The following ASCC3 variants were observed in gnomAD, a reference collection of about 807,000 sequenced individuals.
The protein encoded by ASCC3 is activating signal cointegrator 1 complex subunit 3, also known as ASC-1 complex subunit P200.
In ASCC3, 158 loss-of-function variants were observed where a neutral mutation model predicts 256.3. The observed-to-expected ratio is 0.62, with a 90% confidence interval of 0.54 to 0.70. The LOEUF is 0.70. Among genes scored for constraint, ASCC3 ranks in the 30% least tolerant of loss-of-function variants. ASCC3 has a pLI of 0.00. For synonymous variants in ASCC3, 948 were observed against 883.4 expected, an observed-to-expected ratio of 1.07 and a Z score of -1.30; for missense variants, 2,259 against 2,626.0, an observed-to-expected ratio of 0.86 and a Z score of 3.05.
chr6:100,798,771 C>G lies in ASCC3; in HGVS notation c.1337G>C (p.Ser446Thr). Residue 446 changes from serine (S) to threonine (T), a missense_variant, in exon 8 of 42, where the codon AGC becomes ACC. Coordinates refer to ENST00000369162, the MANE Select transcript of ASCC3 (RefSeq NM_006828.4). ...CTCAAAGCTGAGTGGCATTGGTTCG[C>G]TGTAGGGAATCCTTACTTCTTCATA... ...KLYEEVRIPY[S>T]EPMPLSFEEK... 6.2e-7 allele frequency: 1 copy of G among 1,613,126 alleles called. No individual in the cohort carries two copies.
intron 10 of ASCC3, among the ~76,000 whole-genome samples, chr6:100,730,752 G>T (rs1394263858): frequency 1.3e-5 from 2 of 152,144 alleles, no homozygotes; most frequent in Admixed American, 1.3e-4. Context: ...AATGGAATCT[G>T]ACAGCTTGCA....
chr6:100,742,179 T>C (rs1370993612), intron 10 of ASCC3, among the ~76,000 whole-genome samples: 3 of 152,178 alleles, frequency 2.0e-5, no homozygotes, highest in East Asian at 1.9e-4. Context: ...GTTTTACTCA[T>C]ACCTGGAGGT....
At position 100,762,499 on chromosome 6, in the gene ASCC3, T is replaced by C. The variant is rs948650196; in HGVS notation, c.1737+4066A>G. ...AGATATAGAGTAATGGAAAATAAGG[T>C]TGGAAAAGTAGATAAGTGTTTTAAC... On this transcript the variant is annotated intron_variant, in intron 10 of 41. Coordinates refer to ENST00000369162, the MANE Select transcript of ASCC3 (RefSeq NM_006828.4). 5.9e-5 allele frequency among the ~76,000 whole-genome samples: 9 copies of C among 152,232 alleles called. No homozygotes were observed. In the East Asian group the frequency reaches 1.7e-3, roughly 29 times the overall value.
At chr6:100,698,251 G>A (rs183108166) in intron 13 of ASCC3, among the ~76,000 whole-genome samples, 42 of 151,914 alleles carry the variant, frequency 2.8e-4, no homozygotes, top group African/African-American at 9.6e-4. Flanking sequence ...AAAGACTTAG[G>A]AAAAAATTGT....
intron 10 of ASCC3, among the ~76,000 whole-genome samples, chr6:100,753,082 T>C (rs963536307): frequency 2.0e-5 from 3 of 152,076 alleles, no homozygotes; most frequent in African/African-American, 4.8e-5. Context: ...CTGATTCTTA[T>C]AAGCACCACA....
chr6:100,587,188 C>T (rs1771744708), intron 36 of ASCC3, among the ~76,000 whole-genome samples: 1 of 152,022 alleles, frequency 6.6e-6, no homozygotes, highest in Non-Finnish European at 1.5e-5. Context: ...CAGCTTCTGT[C>T]TGACTACACT....
chr6:100,608,124 ATACATATATATGTATATATATC>A (rs1773055285), intron 30 of ASCC3, among the ~76,000 whole-genome samples: 1 of 124,192 alleles, frequency 8.1e-6, no homozygotes, highest in Non-Finnish European at 1.6e-5. Flanking sequence ...ATATCTATAT[ATACATATATATGTATATATATC>A]TATATATACA....
Position 100,607,078 on chromosome 6 carries a change from A to T in ASCC3, c.4796T>A (p.Ile1599Asn). 1 of 1,613,636 alleles carries T rather than the reference A, an allele frequency of 6.2e-7. No homozygotes were observed. Among genetic ancestry groups the T allele is most frequent in the Non-Finnish European group, 8.5e-7 (1 of 1,179,744 alleles). The change falls in exon 31 of 42, where the codon ATC becomes AAC. Residue 1599 changes from isoleucine to asparagine, a missense_variant. By Grantham distance (149) the Ile-to-Asn change is moderately radical (BLOSUM62 -3). Coordinates refer to ENST00000369162, the MANE Select transcript of ASCC3 (RefSeq NM_006828.4). ...LNMDEREMEN[I>N]IATVRDSNLK... The stretch of plus-strand genomic sequence containing the variant: ...GTTGGAATCTCTTACTGTTGCAATG[A>T]TGTTCTCCATCTGCAAGTAAAAACA...
chr6:100,744,767 G>A (rs990629850), intron 10 of ASCC3, among the ~76,000 whole-genome samples: 8 of 152,268 alleles, frequency 5.3e-5, no homozygotes, highest in African/African-American at 1.7e-4. Flanking sequence ...GCCCAAGGAA[G>A]AGTTAAATAA....
intron 5 of ASCC3, among the ~76,000 whole-genome samples, chr6:100,805,003 A>C (rs1388357058): frequency 6.6e-6 from 1 of 152,136 alleles, no homozygotes; most frequent in Non-Finnish European, 1.5e-5. Flanking sequence ...AATCAACCTA[A>C]GTGCCCATCA....
intron 1 of ASCC3, among the ~76,000 whole-genome samples, chr6:100,870,315 G>A (rs1352316511): frequency 6.6e-6 from 1 of 150,728 alleles, no homozygotes; most frequent in Non-Finnish European, 1.5e-5. Flanking sequence ...AGTGAGCCAA[G>A]ATGGCCCCAC....
In ASCC3 at chr6:100,721,317, C is replaced by T. The variant is rs1296990599; in HGVS notation, c.1903-3066G>A. 2.0e-5 allele frequency among the ~76,000 whole-genome samples: 3 copies of T among 151,892 alleles called. No individual in the cohort carries two copies. The East Asian group carries it at 5.8e-4, about 29-fold the overall frequency. ...GGACATGGTCTCTGTAGGTGGCTCACTGCAAATAAATGTGGTGTATGGATT... is the reference window on the plus strand; with the variant it reads ...GGACATGGTCTCTGTAGGTGGCTCATTGCAAATAAATGTGGTGTATGGATT... On this transcript the variant is annotated intron_variant, in intron 11 of 41. Coordinates refer to ENST00000369162, the MANE Select transcript of ASCC3 (RefSeq NM_006828.4).
chr6:100,733,866 C>G (rs6910914), intron 10 of ASCC3, among the ~76,000 whole-genome samples: 2,202 of 152,214 alleles, frequency 0.014, 44 homozygotes, highest in African/African-American at 0.051. Context: ...CTAGCTTGTT[C>G]TTCTCCCCTA....
At chr6:100,582,901 G>A (rs1399511356) in intron 36 of ASCC3, among the ~76,000 whole-genome samples, 13 of 152,072 alleles carry the variant, frequency 8.5e-5, no homozygotes, top group South Asian at 2.1e-4. Flanking sequence ...ATTGATTTGC[G>A]TATATTGAAC....
chr6:100,707,952 T>TC (rs1778682669), intron 13 of ASCC3, among the ~76,000 whole-genome samples: 1 of 152,066 alleles, frequency 6.6e-6, no homozygotes, highest in Non-Finnish European at 1.5e-5. Flanking sequence ...ACCACCACTT[T>TC]CCCCCAAACC....
intron 4 of ASCC3, among the ~76,000 whole-genome samples, chr6:100,843,894 TTGAC>T (rs1772266620): frequency 6.6e-6 from 1 of 151,904 alleles, no homozygotes; most frequent in Non-Finnish European, 1.5e-5. Context: ...AAATAAAAGT[TTGAC>T]TGTGCAACTA....
intron 1 of ASCC3, among the ~76,000 whole-genome samples, chr6:100,876,098 G>A (rs890640164): frequency 6.6e-6 from 1 of 152,112 alleles, no homozygotes; most frequent in African/African-American, 2.4e-5. Context: ...TGAGAATGCA[G>A]GCGAGAATGA....
chr6:100,636,526 G>C (rs558529415), intron 25 of ASCC3, among the ~76,000 whole-genome samples: 5 of 152,152 alleles, frequency 3.3e-5, no homozygotes, highest in Non-Finnish European at 7.4e-5. Flanking sequence ...CTAAATGTTC[G>C]AGTGAAAGGA....
chr6:100,573,497 A>G (rs1770700700), intron 36 of ASCC3, among the ~76,000 whole-genome samples: 1 of 152,142 alleles, frequency 6.6e-6, no homozygotes, highest in African/African-American at 2.4e-5. Context: ...AGATTTTAAT[A>G]TTCTTAATTC....
Sources: allele counts gnomAD v4.1 joint callset (sites outside exome capture counted in the v4.1 genomes callset), GRCh38; gene constraint gnomAD v4.1.1; transcripts MANE v1.5; gene names NCBI Gene and HGNC (gene_info 2026-07-23, HGNC 2026-07-21).